Variants in MARK1 observed in about 807,000 individuals in gnomAD.
MARK1 encodes the protein microtubule affinity regulating kinase 1.
A neutral mutation model predicts 96.3 loss-of-function variants in MARK1; 40 were observed. That is an observed-to-expected ratio of 0.42 (90% CI 0.32 to 0.54). MARK1 has a LOEUF of 0.54. Ranked by LOEUF, MARK1 falls within the 20% of genes least tolerant of loss-of-function variation. MARK1 has a pLI of 0.16. For synonymous variants in MARK1, 317 were observed against 341.2 expected (o/e 0.93, Z 0.78); for missense variants, 719 against 984.6 (o/e 0.73, Z 3.61).
At chr1:220,643,515 C>G (rs1668400487) in intron 13 of MARK1, among the ~76,000 whole-genome samples, 1 of 152,084 alleles carries the variant, frequency 6.6e-6, no homozygotes, top group Non-Finnish European at 1.5e-5. Context: ...AGGATATCAT[C>G]CAGGAGAACT....
intron 1 of MARK1, among the ~76,000 whole-genome samples, chr1:220,568,566 G>A (rs1193288820): frequency 6.6e-6 from 1 of 152,098 alleles, no homozygotes; most frequent in Non-Finnish European, 1.5e-5. Context: ...GAATAAAATG[G>A]GGATCTGTTG....
intron 9 of MARK1, chr1:220,626,756 A>G (rs1429411970): frequency 1.2e-5 from 4 of 331,494 alleles, no homozygotes; most frequent in Admixed American, 7.8e-5. Flanking sequence ...CTAGAGGCGG[A>G]GGTTGCAGTG....
chr1:220,613,083 A>G (rs966770457), intron 6 of MARK1, among the ~76,000 whole-genome samples: 1 of 152,218 alleles, frequency 6.6e-6, no homozygotes, highest in African/African-American at 2.4e-5. Context: ...TCATGTTTTC[A>G]GGATCCATTA....
chr1:220,559,546 ACAGGAGC>A, intron 1 of MARK1, among the ~76,000 whole-genome samples: 1 of 152,236 alleles, frequency 6.6e-6, no homozygotes, highest in Non-Finnish European at 1.5e-5. Context: ...ACCATGAGAT[ACAGGAGC>A]ATGTTTATAT....
rs374591420 is a variant in MARK1 at position 220,610,019 on chromosome 1, T to C, written c.495+5882T>C. ...ATTTCAACCTTGGTGAATCTGACAA[T>C]TATGTGTCTTGGGGTTGTTCTTCTC... On this transcript the variant is annotated intron_variant, in intron 6 of 17. Transcript: ENST00000366917. Among the ~76,000 whole-genome samples the C allele has an allele frequency of 5.9e-5, 9 of 152,324 alleles. No individual in the cohort carries two copies. In the East Asian group the frequency reaches 1.5e-3, roughly 26 times the overall value.
intron 1 of MARK1, among the ~76,000 whole-genome samples, chr1:220,552,642 A>G (rs1461691858): frequency 6.6e-6 from 1 of 152,210 alleles, no homozygotes; most frequent in African/African-American, 2.4e-5. Flanking sequence ...ATGCTAAAGA[A>G]ATACTATAAT....
At chr1:220,540,266 C>T (rs562963913) in intron 1 of MARK1, among the ~76,000 whole-genome samples, 2 of 152,332 alleles carry the variant, frequency 1.3e-5, no homozygotes, top group African/African-American at 4.8e-5. Context: ...ATAATTTAGT[C>T]TGTGTCTGAA....
intron 1 of MARK1, among the ~76,000 whole-genome samples, chr1:220,577,091 C>T (rs2102828942): frequency 6.6e-6 from 1 of 152,058 alleles, no homozygotes; most frequent in East Asian, 1.9e-4. Flanking sequence ...GACTCCATCT[C>T]TACAAACAAA....
chr1:220,536,722 C>T (rs969120598), intron 1 of MARK1, among the ~76,000 whole-genome samples: 2 of 152,134 alleles, frequency 1.3e-5, no homozygotes, highest in Non-Finnish European at 2.9e-5. Flanking sequence ...GCTGGGATTA[C>T]AGGTGCACAC....
At chr1:220,614,554 GTAA>G (rs1666633390) in intron 6 of MARK1, among the ~76,000 whole-genome samples, 2 of 151,856 alleles carry the variant, frequency 1.3e-5, no homozygotes, top group South Asian at 4.2e-4. Context: ...ATATAGAAAG[GTAA>G]TAATATATAC....
chr1:220,561,148 A>G (rs76480826), intron 1 of MARK1, among the ~76,000 whole-genome samples: 9,511 of 152,204 alleles, frequency 0.062, 381 homozygotes, highest in Middle Eastern at 0.15. Context: ...GATGAATGGT[A>G]GTGAGAATGG....
chr1:220,611,771 C>T (rs1394218673), intron 6 of MARK1, among the ~76,000 whole-genome samples: 1 of 151,896 alleles, frequency 6.6e-6, no homozygotes, highest in Non-Finnish European at 1.5e-5. Context: ...CTTGCTCTGT[C>T]ACCCAGGCTA....
intron 3 of MARK1, among the ~76,000 whole-genome samples, chr1:220,595,397 G>T (rs2102892536): frequency 6.6e-6 from 1 of 152,298 alleles, no homozygotes; most frequent in Admixed American, 6.5e-5. Context: ...AGCCCTGTTT[G>T]GGAGGTGAAG....
Position 220,662,740 on chromosome 1 carries a change from C to T in MARK1, c.*574C>T, listed in dbSNP as rs1211150866. The stretch of plus-strand genomic sequence containing the variant: ...TATTACTGCTTATCTTTGCTCTTTT[C>T]CTTGTTATCCCGCAAGGTTTAGTTG... On this transcript the variant is annotated 3_prime_UTR_variant, in exon 18 of 18. Coordinates refer to ENST00000366917, the MANE Select transcript of MARK1 (RefSeq NM_018650.5). 6.5e-6 allele frequency: 1 copy of T among 152,802 alleles called. No individual in the cohort carries two copies. Among genetic ancestry groups the T allele is most frequent in the Non-Finnish European group, 1.5e-5 (1 of 68,184 alleles). The allele number at this position is 152,802 out of a possible 1,614,324, so 9.5% of individuals were successfully genotyped here. A position where few individuals can be genotyped will look rare whatever the true frequency, so the allele number is the denominator to read the frequency against.
At chr1:220,553,207 A>G (rs1661990658) in intron 1 of MARK1, among the ~76,000 whole-genome samples, 2 of 152,196 alleles carry the variant, frequency 1.3e-5, no homozygotes, top group African/African-American at 2.4e-5. Flanking sequence ...CAGCCAAGCC[A>G]TTAGCACCAG....
intron 6 of MARK1, among the ~76,000 whole-genome samples, chr1:220,611,241 T>C (rs1398525670): frequency 6.6e-6 from 1 of 152,156 alleles, no homozygotes; most frequent in Non-Finnish European, 1.5e-5. Flanking sequence ...CAGTTCAAGC[T>C]TCCTGGCTGC....
chr1:220,528,994 C>A, intron 1 of MARK1, 121 bp downstream of exon 1: 3 of 953,014 alleles, frequency 3.1e-6, no homozygotes, highest in Non-Finnish European at 4.6e-6. Flanking sequence ...GGGTCTCCAC[C>A]TGGAGCCCGG....
In MARK1 at chr1:220,663,229, A is replaced by G. The variant is rs1669574016; in HGVS notation, c.*1063A>G. ...AGTACTTAAGAGACTTGTGAGCAAA[A>G]CATACTATTTATAACAGTATATGAT... On this transcript the variant is annotated 3_prime_UTR_variant, in exon 18 of 18. Transcript: ENST00000366917. The G allele has an allele frequency of 6.6e-6, 1 of 152,594 alleles. No individual in the cohort carries two copies. Among genetic ancestry groups the G allele is most frequent in the African/African-American group, 2.4e-5 (1 of 41,446 alleles). 9.5% of individuals were successfully genotyped at this position (152,594 alleles called of 1,614,324 possible). A position where few individuals can be genotyped will look rare whatever the true frequency, so the allele number is the denominator to read the frequency against.
chr1:220,636,161 G>A (rs1439936588), intron 13 of MARK1, 135 bp downstream of exon 13: 6 of 586,942 alleles, frequency 1.0e-5, no homozygotes, highest in Non-Finnish European at 1.4e-5. Flanking sequence ...CATGCAAAAG[G>A]GACCACACTT....
Sources: gnomAD v4.1 joint callset for allele counts (sites outside exome capture counted in the v4.1 genomes callset) on GRCh38, gnomAD v4.1.1 for gene constraint, MANE v1.5 for transcripts, NCBI Gene and HGNC (gene_info 2026-07-23, HGNC 2026-07-21) for gene names.